The following SAAL1 variants were observed in gnomAD, a reference collection of about 807,000 sequenced individuals.
SAAL1 encodes the protein protein SAAL1.
Under a neutral mutation model 59.8 loss-of-function variants are expected in SAAL1, and 42 were observed. That is an observed-to-expected ratio of 0.70 (90% CI 0.55 to 0.91). The LOEUF (loss-of-function observed/expected upper bound fraction) is 0.91. Among genes scored for constraint, SAAL1 ranks in the 40% least tolerant of loss-of-function variants. The pLI is 0.00. For missense variants in SAAL1, 542 were observed against 561.1 expected, an observed-to-expected ratio of 0.97 and a Z score of 0.34; for synonymous variants, 191 against 194.3, an observed-to-expected ratio of 0.98 and a Z score of 0.14.
chr11:18,090,581 T>C, intron 4 of SAAL1, 88 bp from the exon 5 acceptor site: 1 of 1,404,626 alleles, frequency 7.1e-7, no homozygotes, highest in Non-Finnish European at 9.7e-7. Flanking sequence ...ACATCTTTAT[T>C]GTGAAATACA....
intron 3 of SAAL1, among the ~76,000 whole-genome samples, chr11:18,094,743 G>A (rs1479376252): frequency 6.6e-6 from 1 of 152,170 alleles, no homozygotes; most frequent in Non-Finnish European, 1.5e-5. Flanking sequence ...TGACACAGGA[G>A]CTATAGAAAT....
chr11:18,080,587 T>C (rs778935395), intron 11 of SAAL1, 96 bp from the exon 12 acceptor site: 6 of 702,494 alleles, frequency 8.5e-6, no homozygotes, highest in African/African-American at 3.7e-5. Context: ...AATGGTCCAA[T>C]GGAAAAGAAA....
At chr11:18,093,997 G>T (rs1267761357) in intron 3 of SAAL1, 1 of 152,224 alleles carries the variant, frequency 6.6e-6, no homozygotes, top group African/African-American at 2.4e-5. Context: ...AGGCTACAAT[G>T]AGTTCAGATG....
chr11:18,092,143 G>C, intron 4 of SAAL1, 102 bp downstream of exon 4: 1 of 630,756 alleles, frequency 1.6e-6, no homozygotes, highest in Admixed American at 3.0e-5. Context: ...TCAAGACAAA[G>C]AAAGGACTGT....
chr11:18,089,209 G>T, intron 7 of SAAL1, 121 bp downstream of exon 7: 1 of 814,838 alleles, frequency 1.2e-6, no homozygotes, highest in Non-Finnish European at 1.8e-6. Flanking sequence ...GTGAATTAAC[G>T]TAACAAGGAG....
intron 3 of SAAL1, among the ~76,000 whole-genome samples, chr11:18,092,634 G>T (rs1181696238): frequency 6.6e-6 from 1 of 152,138 alleles, no homozygotes; most frequent in African/African-American, 2.4e-5. Flanking sequence ...ATTCAAATAA[G>T]GGGAAAGTAT....
Position 18,083,699 on chromosome 11 carries a change from C to A in SAAL1, c.1075G>T (p.Val359Phe). 6.2e-7 allele frequency: 1 copy of A among 1,609,598 alleles called. No homozygotes were observed. The highest frequency in any genetic ancestry group is 8.5e-7 in the Non-Finnish European group (1 of 1,177,870). Residue 359 changes from valine to phenylalanine, a missense_variant, in exon 10 of 12, where the codon GTC (valine) becomes TTC (phenylalanine). Transcript: ENST00000524803. ...TGACACTGTTCCATATTTTGTAAGA[C>A]CCGAATGAGGCTGTCAATTAGAGGA... ...DLPLIDSLIR[V>F]LQNMEQCQKK...
intron 9 of SAAL1, among the ~76,000 whole-genome samples, chr11:18,086,180 G>A (rs896328298): frequency 6.6e-6 from 1 of 152,104 alleles, no homozygotes; most frequent in Non-Finnish European, 1.5e-5. Flanking sequence ...AGGCAGGAAG[G>A]TCATTTGAGC....
At chr11:18,105,757 C>A in intron 1 of SAAL1, 150 bp downstream of exon 1, 1 of 1,024,590 alleles carries the variant, frequency 9.8e-7, no homozygotes, top group Non-Finnish European at 1.3e-6. Context: ...CAGCGGCCGG[C>A]GAAACGCAAG....
intron 10 of SAAL1, among the ~76,000 whole-genome samples, chr11:18,082,966 A>T (rs1362904351): frequency 2.0e-5 from 3 of 152,218 alleles, no homozygotes; most frequent in Non-Finnish European, 2.9e-5. Context: ...AGTGGGTATG[A>T]ATAAATATAT....
chr11:18,084,303 C>A (rs1384325662), intron 9 of SAAL1, among the ~76,000 whole-genome samples: 1 of 152,184 alleles, frequency 6.6e-6, no homozygotes, highest in African/African-American at 2.4e-5. Flanking sequence ...AACTCATGTC[C>A]CTTTTGTACC....
chr11:18,104,658 G>A (rs1227097121), intron 1 of SAAL1, among the ~76,000 whole-genome samples: 1 of 152,148 alleles, frequency 6.6e-6, no homozygotes, highest in African/African-American at 2.4e-5. Context: ...TTTGTCATGT[G>A]AAGAAGGAGA....
rs1041254665 is a variant in SAAL1, at chr11:18,086,076, A to G, written c.1042+790T>C. ...AATATATGTGCATGTGTGGGATGGT[A>G]AGATTACAAACATCATGTTTCCTTG... is the stretch of plus-strand genomic sequence containing the variant. On this transcript the variant is annotated intron_variant, in intron 9 of 11. Coordinates refer to ENST00000524803, the MANE Select transcript of SAAL1 (RefSeq NM_138421.3). Among the ~76,000 whole-genome samples the G allele has an allele frequency of 2.6e-5, 4 of 152,224 alleles. No individual in the cohort carries two copies. In the East Asian group the frequency reaches 7.7e-4, roughly 29 times the overall value.
Position 18,103,497 on chromosome 11 carries a change from T to C in SAAL1, c.136-151A>G, listed in dbSNP as rs76682450. 4.7e-3 allele frequency: 3,093 copies of C among 660,650 alleles called. 27 individuals are homozygous for C. Among genetic ancestry groups the C allele is most frequent in the African/African-American group, 0.024 (1,318 of 55,490 alleles). The allele number at this position is 660,650 out of a possible 1,614,324, so 40.9% of individuals were successfully genotyped here. Reference sequence around the variant, plus strand: ...GGCCAGGGCCACTGTCTGTGTGGAGTTTGCATGTTCTCCCCAAGAGTGCAT... The same window carrying C: ...GGCCAGGGCCACTGTCTGTGTGGAGCTTGCATGTTCTCCCCAAGAGTGCAT... On this transcript the variant is annotated intron_variant, in intron 1 of 11. Transcript: ENST00000524803.
intron 3 of SAAL1, among the ~76,000 whole-genome samples, chr11:18,093,554 AAC>A (rs1848543868): frequency 6.6e-6 from 1 of 152,218 alleles, no homozygotes; most frequent in Admixed American, 6.5e-5. Context: ...AATATGTAAT[AAC>A]AGTTTATTAC....
chr11:18,082,849 C>T (rs1260805998), intron 10 of SAAL1, among the ~76,000 whole-genome samples: 1 of 152,136 alleles, frequency 6.6e-6, no homozygotes, highest in Non-Finnish European at 1.5e-5. Flanking sequence ...CCAAACTGGT[C>T]TCAAACTCCT....
intron 2 of SAAL1, among the ~76,000 whole-genome samples, chr11:18,097,393 T>C (rs774676704): frequency 6.6e-6 from 1 of 152,136 alleles, no homozygotes; most frequent in Non-Finnish European, 1.5e-5. Context: ...AAATCTAAAC[T>C]ACCTACAATA....
At chr11:18,100,106 T>C (rs1441334332) in intron 2 of SAAL1, among the ~76,000 whole-genome samples, 2 of 152,190 alleles carry the variant, frequency 1.3e-5, no homozygotes, top group East Asian at 3.8e-4. Flanking sequence ...AAAACACAGG[T>C]TTTATTTCTT....
intron 4 of SAAL1, 84 bp from the exon 5 acceptor site, chr11:18,090,577 T>A: frequency 6.9e-7 from 1 of 1,456,744 alleles, no homozygotes; most frequent in South Asian, 1.3e-5. Context: ...TTGAACATCT[T>A]TATTGTGAAA....
Sources: allele counts gnomAD v4.1 joint callset (sites outside exome capture counted in the v4.1 genomes callset), GRCh38; gene constraint gnomAD v4.1.1; transcripts MANE v1.5; gene names NCBI Gene and HGNC (gene_info 2026-07-23, HGNC 2026-07-21).